TRPC1: variants seen among roughly 807,000 people sequenced by gnomAD.
TRPC1 encodes the protein transient receptor potential cation channel subfamily C member 1, also known as short transient receptor potential channel 1.
TRPC1 carries 42 observed loss-of-function variants against 88.2 expected under a neutral mutation model. The ratio of observed to expected loss-of-function variants is 0.48; its 90% CI spans 0.37 to 0.62. The LOEUF is 0.62. TRPC1 is among the 20% of genes least tolerant of loss of function. TRPC1 has a pLI of 0.00. For synonymous variants in TRPC1, 288 were observed against 331.8 expected (o/e 0.87, Z 1.43); for missense variants, 699 against 957.3 (o/e 0.73, Z 3.56).
At chr3:142,785,189 T>C in intron 7 of TRPC1, 149 bp downstream of exon 7, 1 of 607,296 alleles carries the variant, frequency 1.6e-6, no homozygotes, top group East Asian at 2.9e-5. Flanking sequence ...CACTGAAGAC[T>C]TAACTAACAT....
chr3:142,778,271 TACATGTAA>T (rs1259063790), intron 5 of TRPC1, among the ~76,000 whole-genome samples: 1 of 152,172 alleles, frequency 6.6e-6, no homozygotes, highest in African/African-American at 2.4e-5. Context: ...ATATATGTAA[TACATGTAA>T]ACATAAAAAT....
chr3:142,739,842 CAG>C (rs754834821), intron 2 of TRPC1, among the ~76,000 whole-genome samples: 1 of 152,068 alleles, frequency 6.6e-6, no homozygotes, highest in Non-Finnish European at 1.5e-5. Context: ...GTAAGAAAAA[CAG>C]TGGCTATGAG....
intron 6 of TRPC1, among the ~76,000 whole-genome samples, chr3:142,782,054 G>A (rs1935973039): frequency 6.6e-6 from 1 of 151,824 alleles, no homozygotes; most frequent in Non-Finnish European, 1.5e-5. Context: ...AACCTAAAAG[G>A]GACATGAAGT....
At chr3:142,796,563 A>G (rs1325678492) in intron 9 of TRPC1, among the ~76,000 whole-genome samples, 3 of 151,948 alleles carry the variant, frequency 2.0e-5, no homozygotes, top group African/African-American at 4.8e-5. Context: ...GCTTAGTACA[A>G]AAGATGTGAT....
intron 9 of TRPC1, among the ~76,000 whole-genome samples, chr3:142,797,175 GTT>G (rs200039380): frequency 0.053 from 7,195 of 136,346 alleles, 212 homozygotes; most frequent in East Asian, 0.15. Flanking sequence ...AAAAAAGGTT[GTT>G]TTTTTTTTTT....
chr3:142,728,103 T>C (rs1933754248), intron 1 of TRPC1, among the ~76,000 whole-genome samples: 1 of 152,152 alleles, frequency 6.6e-6, no homozygotes, highest in Non-Finnish European at 1.5e-5. Context: ...AAAGAAAGTA[T>C]GAAATGATTC....
Position 142,767,082 on chromosome 3 carries a change from A to G in TRPC1, c.633-10550A>G, listed in dbSNP as rs1321158510. Among the ~76,000 whole-genome samples the G allele has an allele frequency of 6.6e-6, 1 of 152,204 alleles. No individual in the cohort carries two copies. The highest frequency in any genetic ancestry group is 1.5e-5 in the Non-Finnish European group (1 of 68,030). ...ATATTGAATTATCCAACCATTGAAC[A>G]TGGTATATCTCTCCATTTAATAGGT... is the stretch of plus-strand genomic sequence containing the variant. On this transcript the variant is annotated intron_variant, in intron 4 of 12. Coordinates refer to ENST00000476941, the MANE Select transcript of TRPC1 (RefSeq NM_001251845.2). The surrounding 1 kb of genome is among the most constrained non-coding windows in gnomAD (Gnocchi z 5.1).
rs576680009 is a variant in TRPC1, at chr3:142,793,294, CATTT to C, written c.1581+329_1581+332del. Among the ~76,000 whole-genome samples the C allele has an allele frequency of 1.1e-4, 17 of 152,072 alleles. No homozygotes were observed. The South Asian group carries it at 3.5e-3, about 32-fold the overall frequency. On this transcript the variant is annotated intron_variant, in intron 9 of 12. Transcript: ENST00000476941. The stretch of plus-strand genomic sequence containing the variant: ...CTGCTTTTTATCAAAATGAATCTCA[CATTT>C]AAAGTTTTAAATATTTTAGGTTATA...
chr3:142,781,914 C>A (rs1268776270), intron 6 of TRPC1, among the ~76,000 whole-genome samples: 1 of 151,900 alleles, frequency 6.6e-6, no homozygotes, highest in Non-Finnish European at 1.5e-5. Context: ...AGATACAGGA[C>A]CTTTGGTGCT....
chr3:142,747,727 G>C (rs917112580), intron 3 of TRPC1, among the ~76,000 whole-genome samples: 17 of 152,206 alleles, frequency 1.1e-4, no homozygotes, highest in Admixed American at 1.0e-3. Context: ...TATATGTAAT[G>C]ATTGAAAATG....
chr3:142,741,444 T>C (rs536155639), intron 2 of TRPC1, among the ~76,000 whole-genome samples: 19 of 152,302 alleles, frequency 1.2e-4, no homozygotes, highest in African/African-American at 4.6e-4. Context: ...ATTGAGAATG[T>C]AATTATTTTA....
intron 1 of TRPC1, among the ~76,000 whole-genome samples, chr3:142,732,763 A>G (rs558921301): frequency 2.1e-4 from 32 of 152,320 alleles, no homozygotes; most frequent in Admixed American, 1.6e-3. Context: ...ACTTCCTTCT[A>G]TGTGTTATAT....
chr3:142,740,588 A>G (rs1186316360), intron 2 of TRPC1, among the ~76,000 whole-genome samples: 7 of 151,748 alleles, frequency 4.6e-5, no homozygotes, highest in African/African-American at 1.7e-4. Flanking sequence ...GAGTTTCATT[A>G]AAGACCAAAT....
rs769525154 is a variant in TRPC1 at position 142,784,694 on chromosome 3, T to C, written c.961-10T>C. On this transcript the variant is annotated splice_polypyrimidine_tract_variant and intron_variant, in intron 6 of 12. Transcript: ENST00000476941. ...TTTTTCTTTTTAATGTGTGTGTATG[T>C]CCTTTTCAGTTTGTCTCCCAGTCTA... 1.2e-5 allele frequency: 20 copies of C among 1,602,308 alleles called. No individual in the cohort carries two copies. The highest frequency in any genetic ancestry group is 1.6e-5 in the Non-Finnish European group (19 of 1,174,358).
Position 142,784,771 on chromosome 3 carries a change from G to A in TRPC1, c.1028G>A (p.Arg343Gln), listed in dbSNP as rs768156525. The A allele has an allele frequency of 6.2e-6, 10 of 1,614,088 alleles. No homozygotes were observed. The East Asian group carries it at 8.9e-5, about 14-fold the overall frequency. ...TGGTTTGGACAGATGTCGGGTTACCGACGCAAGCCCACCTGTAAGAAGATA... is the reference window on the plus strand; with the variant it reads ...TGGTTTGGACAGATGTCGGGTTACCAACGCAAGCCCACCTGTAAGAAGATA... ...TVWFGQMSGY[R>Q]RKPTCKKIMT... is the part of the protein sequence containing the mutation. The change falls in exon 7 of 13, where the codon CGA (arginine) becomes CAA (glutamine). Residue 343 changes from arginine (R) to glutamine (Q), a missense_variant. By Grantham distance (43) the Arg-to-Gln change is conservative. Transcript: ENST00000476941.
At chr3:142,757,401 A>G (rs1355301512) in intron 4 of TRPC1, among the ~76,000 whole-genome samples, 4 of 151,902 alleles carry the variant, frequency 2.6e-5, no homozygotes, top group African/African-American at 9.7e-5. Context: ...CTAGGACCCA[A>G]CCCAAATGCC....
At position 142,784,781 on chromosome 3, in the gene TRPC1, C is replaced by T; in HGVS notation, c.1038C>T (p.Pro346=). The part of the protein sequence containing the change: ...FGQMSGYRRK[P]TCKKIMTVLT... ...AGATGTCGGGTTACCGACGCAAGCC[C>T]ACCTGTAAGAAGATAATGACTGTTT... Residue 346 remains proline, a synonymous_variant, in exon 7 of 13, where the codon CCC becomes CCT. Transcript: ENST00000476941. 1 of 1,614,156 alleles carries T rather than the reference C, an allele frequency of 6.2e-7. No homozygotes were observed. The highest frequency in any genetic ancestry group is 8.5e-7 in the Non-Finnish European group (1 of 1,180,020).
rs111867183 is a variant in TRPC1 at position 142,732,300 on chromosome 3, T to C, written c.173-4079T>C. Reference sequence around the variant, plus strand: ...GAGAGATAGGGGCCCTGTCTTCAGGTGTTGGCTGGAACAAAAGTAAATTTT... The same window carrying C: ...GAGAGATAGGGGCCCTGTCTTCAGGCGTTGGCTGGAACAAAAGTAAATTTT... On this transcript the variant is annotated intron_variant, in intron 1 of 12. Coordinates refer to ENST00000476941, the MANE Select transcript of TRPC1 (RefSeq NM_001251845.2). Among the ~76,000 whole-genome samples the C allele has an allele frequency of 2.1e-3, 322 of 152,146 alleles. 3 individuals carry two copies. Among genetic ancestry groups the C allele is most frequent in the African/African-American group, 7.1e-3 (293 of 41,512 alleles).
intron 1 of TRPC1, among the ~76,000 whole-genome samples, chr3:142,734,615 G>A (rs914832185): frequency 6.6e-6 from 1 of 152,030 alleles, no homozygotes; most frequent in East Asian, 1.9e-4. Context: ...AAATACTGAA[G>A]AATTAATGAA....
Sources: allele counts gnomAD v4.1 joint callset (sites outside exome capture counted in the v4.1 genomes callset), GRCh38; gene constraint gnomAD v4.1.1; non-coding constraint Gnocchi (gnomAD v3.1); transcripts MANE v1.5; gene names NCBI Gene and HGNC (gene_info 2026-07-23, HGNC 2026-07-21).